RASGRF2: variants seen among roughly 807,000 people sequenced by gnomAD.
RASGRF2 encodes the protein Ras protein specific guanine nucleotide releasing factor 2.
A neutral mutation model predicts 151.0 loss-of-function variants in RASGRF2; 76 were observed. That is an observed-to-expected ratio of 0.50 (90% CI 0.42 to 0.61). RASGRF2 has a LOEUF of 0.61. RASGRF2 is among the 20% of genes least tolerant of loss of function. The pLI is 0.00. For synonymous variants in RASGRF2, 504 were observed against 566.5 expected (o/e 0.89, Z 1.57); for missense variants, 1,148 against 1,564.6 (o/e 0.73, Z 4.49).
intron 17 of RASGRF2, among the ~76,000 whole-genome samples, chr5:81,144,589 C>A (rs1054778437): frequency 6.6e-6 from 1 of 152,190 alleles, no homozygotes; most frequent in African/African-American, 2.4e-5. Flanking sequence ...GCAAACCATT[C>A]TCCTATGCTG....
chr5:81,172,511 AG>A (rs1754681859), intron 17 of RASGRF2, among the ~76,000 whole-genome samples: 1 of 151,696 alleles, frequency 6.6e-6, no homozygotes, highest in Non-Finnish European at 1.5e-5. Context: ...AGAAAATCTC[AG>A]GTTAACCTGA....
At chr5:81,190,225 C>T (rs1246055603) in intron 18 of RASGRF2, among the ~76,000 whole-genome samples, 2 of 152,198 alleles carry the variant, frequency 1.3e-5, no homozygotes, top group Admixed American at 6.5e-5. Context: ...ACTTCAGTTC[C>T]TTTTGGCCCC....
chr5:81,094,376 G>A lies in RASGRF2; in HGVS notation c.1618+14G>A, dbSNP rs745411656. The A allele has an allele frequency of 6.2e-6, 10 of 1,603,212 alleles. No homozygotes were observed. The South Asian group carries it at 8.9e-5, about 14-fold the overall frequency. On this transcript the variant is annotated intron_variant, in intron 11 of 26. Transcript: ENST00000265080. ...GCGATGATGACTGTAAGTCACCTTC[G>A]ATCACTTAGGATTCTATTAGAATTA...
At chr5:81,176,830 T>C (rs995929805) in intron 17 of RASGRF2, among the ~76,000 whole-genome samples, 2 of 152,200 alleles carry the variant, frequency 1.3e-5, no homozygotes, top group Admixed American at 6.5e-5. Context: ...GGGCTGTGAT[T>C]ATCTCTTCTT....
chr5:81,120,444 G>T (rs1351707875), intron 15 of RASGRF2, among the ~76,000 whole-genome samples: 3 of 152,094 alleles, frequency 2.0e-5, no homozygotes, highest in Non-Finnish European at 4.4e-5. Flanking sequence ...ATAGCCAGAT[G>T]TGGCTGTGTG....
At chr5:81,124,692 G>GA (rs11332303) in intron 16 of RASGRF2, among the ~76,000 whole-genome samples, 1 of 151,696 alleles carries the variant, frequency 6.6e-6, no homozygotes, top group Non-Finnish European at 1.5e-5. Flanking sequence ...TCTAATTGGA[G>GA]AAAAAAAACT....
chr5:81,058,508 G>T (rs1210116543), intron 2 of RASGRF2, among the ~76,000 whole-genome samples: 2 of 152,180 alleles, frequency 1.3e-5, no homozygotes, highest in East Asian at 1.9e-4. Flanking sequence ...GAGTTGGGGG[G>T]ATACCCCAGT....
intron 1 of RASGRF2, among the ~76,000 whole-genome samples, chr5:80,983,850 G>A (rs1026270252): frequency 6.6e-6 from 1 of 152,224 alleles, no homozygotes; most frequent in Non-Finnish European, 1.5e-5. Context: ...GAAATAAAAT[G>A]TATTATTAAA....
chr5:80,991,428 T>G (rs908847584), intron 1 of RASGRF2, among the ~76,000 whole-genome samples: 6 of 152,100 alleles, frequency 3.9e-5, no homozygotes, highest in Non-Finnish European at 8.8e-5. Flanking sequence ...TGTCTTTCAA[T>G]AAATAAATAA....
intron 12 of RASGRF2, among the ~76,000 whole-genome samples, chr5:81,102,562 G>A (rs1422630656): frequency 6.6e-6 from 1 of 152,068 alleles, no homozygotes; most frequent in Non-Finnish European, 1.5e-5. Context: ...AGGCGTGGCG[G>A]CACATGCCTG....
rs141930477 is a variant in RASGRF2 at position 81,061,799 on chromosome 5, G to A, written c.396-6233G>A. 3.0e-3 allele frequency among the ~76,000 whole-genome samples: 451 copies of A among 151,616 alleles called. 1 individual carries two copies. The highest frequency in any genetic ancestry group is 0.011 in the African/African-American group (434 of 41,294). On this transcript the variant is annotated intron_variant, in intron 2 of 26. Transcript: ENST00000265080. The stretch of plus-strand genomic sequence containing the variant: ...TCTCCCGGGCTCAAGTTACCCTCCC[G>A]CCTTGGCCCCCCAAGTAGCTGGGGC...
At chr5:80,968,759 C>CA (rs1747806059) in intron 1 of RASGRF2, among the ~76,000 whole-genome samples, 1 of 152,150 alleles carries the variant, frequency 6.6e-6, no homozygotes, top group Non-Finnish European at 1.5e-5. Flanking sequence ...TCATAGCTTA[C>CA]TGAAGCCTTG....
intron 1 of RASGRF2, among the ~76,000 whole-genome samples, chr5:80,968,034 C>T (rs1747777620): frequency 1.3e-5 from 2 of 152,328 alleles, no homozygotes; most frequent in Non-Finnish European, 2.9e-5. Context: ...AAGCCTGGCT[C>T]CCTGCCTGGA....
rs558265015 is a variant in RASGRF2 at position 81,207,897 on chromosome 5, G to T, written c.3072-457G>T. 4.6e-5 allele frequency among the ~76,000 whole-genome samples: 7 copies of T among 152,346 alleles called. No homozygotes were observed. In the South Asian group the frequency reaches 1.2e-3, roughly 27 times the overall value. ...GAAATCTGCATCCTCCAGGAGAATG[G>T]CAGGCAGCGCAGAGTGGAGGGAGAA... On this transcript the variant is annotated intron_variant, in intron 21 of 26. Coordinates refer to ENST00000265080, the MANE Select transcript of RASGRF2 (RefSeq NM_006909.3).
At chr5:81,020,121 C>T (rs1327472212) in intron 1 of RASGRF2, among the ~76,000 whole-genome samples, 1 of 152,110 alleles carries the variant, frequency 6.6e-6, no homozygotes, top group Admixed American at 6.6e-5. Flanking sequence ...CCAATAAGAC[C>T]CAGACCTTTG....
At chr5:81,159,591 A>AACTAGGGGT (rs1280438853) in intron 17 of RASGRF2, among the ~76,000 whole-genome samples, 1 of 152,164 alleles carries the variant, frequency 6.6e-6, no homozygotes, top group African/African-American at 2.4e-5. Context: ...TGCAAATTGG[A>AACTAGGGGT]ACTAGGGGTA....
intron 23 of RASGRF2, among the ~76,000 whole-genome samples, chr5:81,215,653 A>AT (rs1755720874): frequency 6.6e-6 from 1 of 152,176 alleles, no homozygotes; most frequent in Non-Finnish European, 1.5e-5. Flanking sequence ...TTTTGGCTAA[A>AT]TGTGTAGATA....
chr5:81,030,741 A>G (rs904240415), intron 1 of RASGRF2, among the ~76,000 whole-genome samples: 3 of 152,232 alleles, frequency 2.0e-5, no homozygotes, highest in African/African-American at 7.2e-5. Context: ...AACCGCATCA[A>G]CTAAGGAGCA....
At chr5:80,989,643 G>C (rs1396611053) in intron 1 of RASGRF2, among the ~76,000 whole-genome samples, 1 of 152,198 alleles carries the variant, frequency 6.6e-6, no homozygotes, top group Non-Finnish European at 1.5e-5. Context: ...GTTAGTAAAT[G>C]AGATCTGGAA....
Sources: allele counts gnomAD v4.1 joint callset (sites outside exome capture counted in the v4.1 genomes callset), GRCh38; gene constraint gnomAD v4.1.1; transcripts MANE v1.5; gene names NCBI Gene and HGNC (gene_info 2026-07-23, HGNC 2026-07-21).